The following LIX1L variants were observed in gnomAD, a reference collection of about 807,000 sequenced individuals.
LIX1L encodes the protein LIX1-like protein.
LIX1L carries 20 observed loss-of-function variants against 34.0 expected under a neutral mutation model. The observed-to-expected ratio is 0.59, with a 90% CI of 0.41 to 0.85. The LOEUF (loss-of-function observed/expected upper bound fraction) is 0.85, where lower values mean the gene tolerates loss of function less well. Ranked by LOEUF, LIX1L falls within the 40% of genes least tolerant of loss-of-function variation. LIX1L has a pLI of 0.00. For synonymous variants in LIX1L, 170 were observed against 187.4 expected (o/e 0.91, Z 0.76); for missense variants, 397 against 447.0 (o/e 0.89, Z 1.01).
rs1648970875 is a variant in LIX1L, at chr1:145,942,849, C to CAAA, written c.458_460dup (p.Phe153dup). ...CCTCCGGGCCTCAGCTTTTGTGGGG[C>CAAA]AAAACTAGGCAGGGGAGAAAGAGTG... On this transcript the variant is annotated inframe_insertion, in exon 3 of 6. Coordinates refer to ENST00000604000, the MANE Select transcript of LIX1L (RefSeq NM_153713.3). 2.5e-6 allele frequency: 4 copies of CAAA among 1,613,970 alleles called. No homozygotes were observed. Among genetic ancestry groups the CAAA allele is most frequent in the Non-Finnish European group, 3.4e-6 (4 of 1,179,946 alleles).
At chr1:145,956,748 T>A in intron 1 of LIX1L, among the ~76,000 whole-genome samples, 1 of 152,206 alleles carries the variant, frequency 6.6e-6, no homozygotes, top group Non-Finnish European at 1.5e-5. Context: ...CCTTATTACT[T>A]ACACTATAAA....
At chr1:145,952,188 A>C (rs1393337372) in intron 1 of LIX1L, among the ~76,000 whole-genome samples, 1 of 152,204 alleles carries the variant, frequency 6.6e-6, no homozygotes, top group African/African-American at 2.4e-5. Context: ...GGGAATCTTA[A>C]CACAGGCTCC....
chr1:145,945,730 C>T (rs145066973), intron 2 of LIX1L, among the ~76,000 whole-genome samples: 1,977 of 127,314 alleles, frequency 0.016, 43 homozygotes, highest in African/African-American at 0.058. Flanking sequence ...GCCTGGGCAA[C>T]AGAGCGAGAC....
intron 4 of LIX1L, chr1:145,937,306 G>T (rs1443866443): frequency 1.7e-5 from 4 of 232,190 alleles, no homozygotes; most frequent in African/African-American, 6.8e-5. Flanking sequence ...CTCCCAAGTA[G>T]CTGGGATTAC....
intron 1 of LIX1L, among the ~76,000 whole-genome samples, 175 bp downstream of exon 1, chr1:145,957,461 A>C (rs1649515180): frequency 6.6e-6 from 1 of 152,226 alleles, no homozygotes; most frequent in Non-Finnish European, 1.5e-5. Flanking sequence ...AGGAGGTAGG[A>C]GGCTTAAACG....
intron 2 of LIX1L, among the ~76,000 whole-genome samples, chr1:145,944,296 G>T (rs1016646698): frequency 3.3e-5 from 5 of 151,964 alleles, no homozygotes; most frequent in African/African-American, 1.2e-4. Context: ...GGAGTCAAGG[G>T]TGCAGTGAGC....
At chr1:145,953,680 G>C (rs1336187990) in intron 1 of LIX1L, among the ~76,000 whole-genome samples, 1 of 152,222 alleles carries the variant, frequency 6.6e-6, no homozygotes, top group African/African-American at 2.4e-5. Flanking sequence ...AGACTTTGCA[G>C]ATGAGTTTAA....
chr1:145,936,779 T>C (rs782070864), intron 5 of LIX1L, 129 bp downstream of exon 5: 1 of 808,776 alleles, frequency 1.2e-6, no homozygotes, highest in Non-Finnish European at 2.1e-6. Flanking sequence ...AGAGGGTACT[T>C]AGGTAAGGCT....
intron 4 of LIX1L, among the ~76,000 whole-genome samples, 186 bp from the exon 5 acceptor site, chr1:145,937,171 T>TTTATTTAC (rs1280191576): frequency 3.8e-4 from 31 of 81,162 alleles, no homozygotes; most frequent in East Asian, 2.5e-3. Flanking sequence ...TATTTATTTA[T>TTTATTTAC]TTACTTACTT....
intron 3 of LIX1L, among the ~76,000 whole-genome samples, chr1:145,940,350 A>ATT (rs587677100): frequency 3.1e-4 from 39 of 125,496 alleles, no homozygotes; most frequent in African/African-American, 5.0e-4. Flanking sequence ...TTCCTTTTCT[A>ATT]TTTTTTTTTT....
chr1:145,944,246 G>C (rs587753415), intron 2 of LIX1L, among the ~76,000 whole-genome samples: 1 of 152,142 alleles, frequency 6.6e-6, no homozygotes. Context: ...TGTGGTCCCA[G>C]CTAGTCAGGA....
At chr1:145,937,236 C>T (rs1484513007) in intron 4 of LIX1L, 6 of 182,968 alleles carry the variant, frequency 3.3e-5, no homozygotes, top group African/African-American at 9.4e-5. Context: ...AGTGTAGTGG[C>T]GCAATCTCAG....
intron 1 of LIX1L, among the ~76,000 whole-genome samples, chr1:145,949,947 C>G (rs782339686): frequency 2.0e-5 from 3 of 151,890 alleles, no homozygotes; most frequent in Non-Finnish European, 4.4e-5. Context: ...CTCTGAGTAG[C>G]TGGGACCACA....
Position 145,936,325 on chromosome 1 carries a change from A to T in LIX1L, c.999T>A (p.His333Gln), listed in dbSNP as rs1378989536. The change falls in exon 6 of 6, where the codon CAT becomes CAA. Residue 333 changes from histidine to glutamine, a missense_variant. By Grantham distance (24) the His-to-Gln change is conservative. Transcript: ENST00000604000. Reference sequence around the variant, plus strand: ...GGGTGGATGCCTAGCAGTTGGAAGAATGCATATTGCCCAACTGCCCAGCAG... The same window carrying T: ...GGGTGGATGCCTAGCAGTTGGAAGATTGCATATTGCCCAACTGCCCAGCAG... ...VLAAGQLGNM[H>Q]SSNC The T allele has an allele frequency of 4.3e-6, 7 of 1,614,024 alleles. No homozygotes were observed. The highest frequency in any genetic ancestry group is 5.9e-6 in the Non-Finnish European group (7 of 1,180,026).
At chr1:145,951,947 T>C (rs913961889) in intron 1 of LIX1L, among the ~76,000 whole-genome samples, 5 of 152,200 alleles carry the variant, frequency 3.3e-5, no homozygotes, top group Admixed American at 6.5e-5. Context: ...ATTTTAGAAA[T>C]GTGAGTATGA....
rs1415764642 is a variant in LIX1L, at chr1:145,937,001, AG to A, written c.694-17del. The stretch of plus-strand genomic sequence containing the variant: ...TCATTAGCTCCTGGGGGAAGAGGAT[AG>A]GAAGTACCAGGACAGTGATTTTTAT... On this transcript the variant is annotated splice_polypyrimidine_tract_variant and intron_variant, in intron 4 of 5. Coordinates refer to ENST00000604000, the MANE Select transcript of LIX1L (RefSeq NM_153713.3). 1.4e-5 allele frequency: 22 copies of A among 1,548,996 alleles called. No individual in the cohort carries two copies. The highest frequency in any genetic ancestry group is 1.8e-5 in the Non-Finnish European group (20 of 1,120,652).
At chr1:145,951,594 G>A (rs587666953) in intron 1 of LIX1L, among the ~76,000 whole-genome samples, 1 of 152,162 alleles carries the variant, frequency 6.6e-6, no homozygotes, top group Non-Finnish European at 1.5e-5. Flanking sequence ...AAAAGATCCA[G>A]CATGAAAAGA....
rs1414055234 is a variant in LIX1L, at chr1:145,942,743, C to A, written c.567G>T (p.Lys189Asn). Reference sequence around the variant, plus strand: ...AAGATGCCAGGGCCTCAGAGACACTCTTCTCGATGAACTCATCAGTGATTC... The same window carrying A: ...AAGATGCCAGGGCCTCAGAGACACTATTCTCGATGAACTCATCAGTGATTC... ...SRRITDEFIE[K>N]SVSEALASFN... Residue 189 changes from lysine to asparagine, a missense_variant, in exon 3 of 6, where the codon AAG becomes AAT. Physicochemically the swap from Lys to Asn is moderately conservative, Grantham distance 94. Coordinates refer to ENST00000604000, the MANE Select transcript of LIX1L (RefSeq NM_153713.3). 6.2e-7 allele frequency: 1 copy of A among 1,614,196 alleles called. No homozygotes were observed.
At position 145,936,454 on chromosome 1, in the gene LIX1L, T is replaced by C; in HGVS notation, c.870A>G (p.Ala290=). The C allele has an allele frequency of 6.2e-7, 1 of 1,614,146 alleles. No individual in the cohort carries two copies. The highest frequency in any genetic ancestry group is 8.5e-7 in the Non-Finnish European group (1 of 1,180,036). ...CAGTAGAGGCCAGCTCTCTAGACAGTGCCCCCGGCACACTCTGCTCCCGGC... is the reference window on the plus strand; with the variant it reads ...CAGTAGAGGCCAGCTCTCTAGACAGCGCCCCCGGCACACTCTGCTCCCGGC... ...WVSREQSVPG[A]LSRELASTER... The change falls in exon 6 of 6, where the codon GCA becomes GCG. Residue 290 remains alanine (A), a synonymous_variant. Coordinates refer to ENST00000604000, the MANE Select transcript of LIX1L (RefSeq NM_153713.3).
Sources: allele counts gnomAD v4.1 joint callset (sites outside exome capture counted in the v4.1 genomes callset), GRCh38; gene constraint gnomAD v4.1.1; transcripts MANE v1.5; gene names NCBI Gene and HGNC (gene_info 2026-07-23, HGNC 2026-07-21).